The following PCDHA10 variants were observed in gnomAD, a reference collection of about 807,000 sequenced individuals.
PCDHA10 encodes the protein protocadherin alpha 10.
Under a neutral mutation model 61.2 loss-of-function variants are expected in PCDHA10, and 45 were observed. The ratio of observed to expected loss-of-function variants is 0.74; its 90% CI spans 0.58 to 0.94. The LOEUF is 0.94. Among genes scored for constraint, PCDHA10 ranks in the 40% least tolerant of loss-of-function variants. The pLI is 0.00. For synonymous variants in PCDHA10, 602 were observed against 548.8 expected, an observed-to-expected ratio of 1.10 and a Z score of -1.35; for missense variants, 1,278 against 1,236.2, an observed-to-expected ratio of 1.03 and a Z score of -0.51.
intron 1 of PCDHA10, among the ~76,000 whole-genome samples, chr5:140,970,530 T>C (rs1554232541): frequency 6.6e-6 from 1 of 151,424 alleles, no homozygotes; most frequent in Non-Finnish European, 1.5e-5. Context: ...GATGAATATG[T>C]GTGTGTGTTT....
chr5:141,006,290 C>G (rs1465211339), intron 3 of PCDHA10, among the ~76,000 whole-genome samples: 5 of 152,050 alleles, frequency 3.3e-5, no homozygotes, highest in Non-Finnish European at 5.9e-5. Flanking sequence ...CAGCTCACTG[C>G]AAGCTCCACT....
At chr5:140,967,072 C>T in intron 1 of PCDHA10, 1 of 1,613,106 alleles carries the variant, frequency 6.2e-7, no homozygotes, top group Non-Finnish European at 8.5e-7. Flanking sequence ...TCTTCGTCAA[C>T]GAGCGCATTG....
At chr5:140,940,159 C>CT (rs1401623923) in intron 1 of PCDHA10, among the ~76,000 whole-genome samples, 1 of 151,978 alleles carries the variant, frequency 6.6e-6, no homozygotes, top group East Asian at 1.9e-4. Context: ...TTTTGTTTGC[C>CT]TGAAATGTCA....
intron 1 of PCDHA10, among the ~76,000 whole-genome samples, chr5:140,887,243 C>T (rs950171388): frequency 6.0e-4 from 91 of 152,060 alleles, no homozygotes; most frequent in Non-Finnish European, 1.2e-3. Context: ...ACTACCGGCG[C>T]CCGCCACCAC....
chr5:140,894,956 A>T (rs2064745767), intron 1 of PCDHA10, among the ~76,000 whole-genome samples: 1 of 152,208 alleles, frequency 6.6e-6, no homozygotes, highest in South Asian at 2.1e-4. Context: ...AATGATAAAA[A>T]TATAATTTTT....
rs1554262808 is a variant in PCDHA10, at chr5:141,010,232, A to T, written c.*295A>T. On this transcript the variant is annotated 3_prime_UTR_variant, in exon 4 of 4. Coordinates refer to ENST00000307360, the MANE Select transcript of PCDHA10 (RefSeq NM_018901.4). ...AAAGGAGAGGCTTCCCAGCCCCGCC[A>T]GTGAGAGGTTGGACTCTCTGCCCTG... 6.4e-7 allele frequency: 1 copy of T among 1,551,952 alleles called. No homozygotes were observed. The highest frequency in any genetic ancestry group is 2.0e-5 in the Admixed American group (1 of 51,018).
At chr5:140,968,062 G>A in intron 1 of PCDHA10, 2 of 1,614,120 alleles carry the variant, frequency 1.2e-6, no homozygotes, top group Non-Finnish European at 1.7e-6. Flanking sequence ...GAGAGCGGGT[G>A]GCTGTCTACA....
intron 1 of PCDHA10, chr5:140,882,237 T>C (rs2059015707): frequency 8.2e-6 from 13 of 1,582,128 alleles, no homozygotes; most frequent in Non-Finnish European, 1.1e-5. Context: ...TTGTATATAT[T>C]GCAGATAGCT....
At chr5:140,923,104 A>AT (rs2081172107) in intron 1 of PCDHA10, among the ~76,000 whole-genome samples, 1 of 152,194 alleles carries the variant, frequency 6.6e-6, no homozygotes, top group Admixed American at 6.5e-5. Context: ...TGGGAGTATG[A>AT]TTTTAAGTTT....
chr5:140,879,923 G>C (rs2058180033), intron 1 of PCDHA10, among the ~76,000 whole-genome samples: 1 of 152,132 alleles, frequency 6.6e-6, no homozygotes, highest in South Asian at 2.1e-4. Context: ...GTTTTACAAA[G>C]GTACATGTGA....
rs782361309 is a variant in PCDHA10 at position 140,857,289 on chromosome 5, G to T, written c.1241G>T (p.Arg414Leu). 3 of 1,598,578 alleles carry T rather than the reference G, an allele frequency of 1.9e-6. 1 individual carries two copies. Among genetic ancestry groups the T allele is most frequent in the Middle Eastern group, 1.7e-4 (1 of 5,944 alleles). ...YSLVLDSALD[R>L]ERVSAYELVV... ...TTGGTGCTGGACAGCGCTCTGGACC[G>T]CGAGAGGGTGTCGGCCTATGAGCTG... is the stretch of plus-strand genomic sequence containing the variant. Residue 414 changes from arginine (R) to leucine (L), a missense_variant, in exon 1 of 4, where the codon CGC becomes CTC. Transcript: ENST00000307360.
intron 3 of PCDHA10, among the ~76,000 whole-genome samples, chr5:141,008,045 CAG>C (rs1416741468): frequency 2.0e-5 from 3 of 151,924 alleles, no homozygotes; most frequent in South Asian, 2.1e-4. Context: ...CCTTTTGTAA[CAG>C]GGGTCCAGTC....
At chr5:140,932,114 G>A (rs2088047655) in intron 1 of PCDHA10, among the ~76,000 whole-genome samples, 1 of 151,738 alleles carries the variant, frequency 6.6e-6, no homozygotes. Context: ...ATTTCCAATT[G>A]ATAATATTTA....
intron 1 of PCDHA10, among the ~76,000 whole-genome samples, chr5:140,934,942 A>G (rs146210062): frequency 2.5e-3 from 376 of 152,312 alleles, no homozygotes; most frequent in African/African-American, 8.6e-3. Flanking sequence ...AAACTAGTAT[A>G]GAGAGATCCC....
At chr5:140,965,657 T>TA (rs2095920205) in intron 1 of PCDHA10, among the ~76,000 whole-genome samples, 2 of 152,196 alleles carry the variant, frequency 1.3e-5, no homozygotes, top group Non-Finnish European at 2.9e-5. Context: ...AGAAAATGTC[T>TA]TGGGTGATAA....
At chr5:140,863,871 C>T (rs2048215005) in intron 1 of PCDHA10, 1 of 171,736 alleles carries the variant, frequency 5.8e-6, no homozygotes, top group East Asian at 1.5e-4. Context: ...TGTGGTGGTG[C>T]GCACCTGTAA....
chr5:140,982,014 C>G lies in PCDHA10; in HGVS notation c.2448-461C>G, dbSNP rs546904836. Among the ~76,000 whole-genome samples the G allele has an allele frequency of 3.3e-5, 5 of 152,270 alleles. No individual in the cohort carries two copies. The South Asian group carries it at 1.0e-3, about 32-fold the overall frequency. ...ATAAGGTTAAGAATTAATTAGATAG[C>G]CAAATTGGAACAATACTCCAATTAT... is the stretch of plus-strand genomic sequence containing the variant. On this transcript the variant is annotated intron_variant, in intron 2 of 3. Coordinates refer to ENST00000307360, the MANE Select transcript of PCDHA10 (RefSeq NM_018901.4).
At chr5:140,877,980 T>C in intron 1 of PCDHA10, 1 of 1,219,572 alleles carries the variant, frequency 8.2e-7, no homozygotes. Flanking sequence ...TTCTTACTCA[T>C]TTTGAACTTT....
intron 1 of PCDHA10, among the ~76,000 whole-genome samples, chr5:140,941,319 C>CTT (rs70988781): frequency 9.6e-6 from 1 of 104,394 alleles, no homozygotes; most frequent in African/African-American, 3.7e-5. Flanking sequence ...TCTTCTTTCT[C>CTT]TTTTTTTTTT....
Sources: allele counts gnomAD v4.1 joint callset (sites outside exome capture counted in the v4.1 genomes callset), GRCh38; gene constraint gnomAD v4.1.1; transcripts MANE v1.5; gene names NCBI Gene and HGNC (gene_info 2026-07-23, HGNC 2026-07-21).